Variants in PDCL2 observed in about 807,000 individuals in gnomAD.
PDCL2 encodes phosducin-like protein 2.
In PDCL2, 23 loss-of-function variants were observed where a neutral mutation model predicts 30.3. That is an observed-to-expected ratio of 0.76 (90% CI 0.55 to 1.08). The LOEUF (loss-of-function observed/expected upper bound fraction) is 1.08. PDCL2 is among the 50% of genes least tolerant of loss of function. PDCL2 has a pLI of 0.00. For missense variants in PDCL2, 243 were observed against 282.3 expected (o/e 0.86, Z 1.00); for synonymous variants, 68 against 86.2 (o/e 0.79, Z 1.17).
At chr4:55,563,535 T>C (rs538445990) in intron 4 of PDCL2, among the ~76,000 whole-genome samples, 1 of 152,292 alleles carries the variant, frequency 6.6e-6, no homozygotes, top group East Asian at 1.9e-4. Context: ...TGCAAGGTTT[T>C]AGGGGCCAAG....
intron 1 of PDCL2, among the ~76,000 whole-genome samples, chr4:55,586,151 T>C (rs1261784162): frequency 6.6e-6 from 1 of 152,196 alleles, no homozygotes; most frequent in East Asian, 1.9e-4. Context: ...ATAGGTTTTG[T>C]TGTAGTTCCA....
At chr4:55,562,038 G>A (rs1732148755) in intron 5 of PDCL2, among the ~76,000 whole-genome samples, 1 of 142,782 alleles carries the variant, frequency 7.0e-6, no homozygotes, top group African/African-American at 2.5e-5. Context: ...TTAGGTACAA[G>A]CAGAGAATGT....
chr4:55,570,401 T>G (rs2110158106), intron 3 of PDCL2, among the ~76,000 whole-genome samples: 1 of 152,314 alleles, frequency 6.6e-6, no homozygotes, highest in East Asian at 1.9e-4. Context: ...AAATATAGAT[T>G]TATTATAGAC....
At chr4:55,592,070 G>A (rs1364199582) in intron 1 of PDCL2, 34 bp downstream of exon 1, 1 of 1,608,260 alleles carries the variant, frequency 6.2e-7, no homozygotes, top group African/African-American at 1.3e-5. Context: ...CCCACTGGGT[G>A]TTCCAGGGTG....
intron 1 of PDCL2, among the ~76,000 whole-genome samples, chr4:55,584,710 C>T (rs1577918703): frequency 6.6e-6 from 1 of 152,170 alleles, no homozygotes; most frequent in African/African-American, 2.4e-5. Context: ...ATTTCCTTAC[C>T]TGTTTGGATG....
At chr4:55,583,301 A>G (rs1264099432) in intron 1 of PDCL2, among the ~76,000 whole-genome samples, 1 of 152,190 alleles carries the variant, frequency 6.6e-6, no homozygotes, top group Admixed American at 6.5e-5. Flanking sequence ...AGTTCTGTAT[A>G]TATTTTAAGT....
intron 3 of PDCL2, among the ~76,000 whole-genome samples, chr4:55,579,246 C>T (rs1732644513): frequency 1.3e-5 from 2 of 151,878 alleles, no homozygotes; most frequent in East Asian, 3.9e-4. Context: ...ATTATACTTT[C>T]CTAACACACA....
chr4:55,574,772 C>T (rs1019463353), intron 3 of PDCL2, among the ~76,000 whole-genome samples: 2 of 152,194 alleles, frequency 1.3e-5, no homozygotes, highest in Non-Finnish European at 2.9e-5. Context: ...TGTTGTAGAA[C>T]ATATTGGTAC....
chr4:55,559,670 A>G (rs749299368), intron 5 of PDCL2, among the ~76,000 whole-genome samples: 30 of 152,224 alleles, frequency 2.0e-4, no homozygotes, highest in Middle Eastern at 6.3e-3. Flanking sequence ...TCCCAGAAGA[A>G]TTAAAAACGG....
Position 55,581,084 on chromosome 4 carries a change from C to G in PDCL2, c.128-173G>C, listed in dbSNP as rs148969668. On this transcript the variant is annotated intron_variant, in intron 2 of 5. Coordinates refer to ENST00000295645, the MANE Select transcript of PDCL2 (RefSeq NM_152401.3). ...TCGAGGTGGGTGGATCACTTTAGGT[C>G]AGGAGTTCAAGACCAACCTGGCCAA... is the stretch of plus-strand genomic sequence containing the variant. 6.1e-3 allele frequency among the ~76,000 whole-genome samples: 933 copies of G among 152,224 alleles called. 9 individuals carry two copies. The Middle Eastern group carries it at 0.078, about 13-fold the overall frequency.
intron 1 of PDCL2, among the ~76,000 whole-genome samples, chr4:55,586,188 A>T (rs556658951): frequency 6.6e-6 from 1 of 151,864 alleles, no homozygotes; most frequent in African/African-American, 2.4e-5. Context: ...TATATTTTAA[A>T]CTTTCTCTTC....
chr4:55,589,620 T>C (rs1394594348), intron 1 of PDCL2, among the ~76,000 whole-genome samples: 1 of 152,154 alleles, frequency 6.6e-6, no homozygotes, highest in Non-Finnish European at 1.5e-5. Flanking sequence ...CTCCCATCCT[T>C]TGATGGACCA....
chr4:55,561,099 A>T (rs1401506934), intron 5 of PDCL2, among the ~76,000 whole-genome samples: 1 of 152,088 alleles, frequency 6.6e-6, no homozygotes, highest in Admixed American at 6.5e-5. Flanking sequence ...TATGTTGTTA[A>T]TTTTTTTAAT....
chr4:55,591,854 C>A (rs546124311), intron 1 of PDCL2, among the ~76,000 whole-genome samples: 13 of 152,288 alleles, frequency 8.5e-5, no homozygotes, highest in African/African-American at 2.9e-4. Flanking sequence ...GTGTGAAACA[C>A]AATACGTAAC....
At chr4:55,565,980 T>TG (rs1269976872) in intron 4 of PDCL2, among the ~76,000 whole-genome samples, 7 of 130,648 alleles carry the variant, frequency 5.4e-5, no homozygotes, top group African/African-American at 9.3e-5. Context: ...TCTGTTTTTT[T>TG]TTTTTTTTTT....
chr4:55,591,350 G>A (rs1045159064), intron 1 of PDCL2, among the ~76,000 whole-genome samples: 1 of 152,090 alleles, frequency 6.6e-6, no homozygotes, highest in Non-Finnish European at 1.5e-5. Context: ...GACAGAGGAG[G>A]AGCCTTCTAA....
intron 5 of PDCL2, among the ~76,000 whole-genome samples, chr4:55,561,144 T>C (rs1309450612): frequency 2.0e-5 from 3 of 151,980 alleles, no homozygotes; most frequent in Non-Finnish European, 4.4e-5. Context: ...AAAAACAAGG[T>C]GGTGAAACAA....
chr4:55,591,969 A>G, intron 1 of PDCL2, 135 bp downstream of exon 1: 1 of 1,262,052 alleles, frequency 7.9e-7, no homozygotes, highest in Non-Finnish European at 1.1e-6. Context: ...AAGCACGCAA[A>G]ATTTAGCACT....
chr4:55,585,045 T>A (rs1287690075), intron 1 of PDCL2, among the ~76,000 whole-genome samples: 1 of 152,232 alleles, frequency 6.6e-6, no homozygotes, highest in Non-Finnish European at 1.5e-5. Flanking sequence ...TGCTGAAACA[T>A]CCTTGCATCC....
Sources: gnomAD v4.1 joint callset for allele counts (sites outside exome capture counted in the v4.1 genomes callset) on GRCh38, gnomAD v4.1.1 for gene constraint, MANE v1.5 for transcripts, NCBI Gene and HGNC (gene_info 2026-07-23, HGNC 2026-07-21) for gene names.